MACROD2: variants seen among roughly 807,000 people sequenced by gnomAD.
MACROD2 encodes the protein mono-ADP ribosylhydrolase 2.
Under a neutral mutation model 70.4 loss-of-function variants are expected in MACROD2, and 36 were observed. The ratio of observed to expected loss-of-function variants is 0.51; its 90% CI spans 0.39 to 0.68. The LOEUF is 0.68. Ranked by LOEUF, MACROD2 falls within the 30% of genes least tolerant of loss-of-function variation. The pLI is 0.00. For synonymous variants in MACROD2, 172 were observed against 178.8 expected (o/e 0.96, Z 0.30); for missense variants, 496 against 538.4 (o/e 0.92, Z 0.78).
At chr20:14,853,163 GTGTGTGTGTC>G (rs1320496782) in intron 5 of MACROD2, among the ~76,000 whole-genome samples, 1 of 93,792 alleles carries the variant, frequency 1.1e-5, no homozygotes, top group African/African-American at 3.3e-5. Context: ...AACAGTGTGT[GTGTGTGTGTC>G]TGTGTGTGTG....
Position 14,274,757 on chromosome 20 carries a change from C to A in MACROD2, c.271+189029C>A, listed in dbSNP as rs1197757772. ...GTATATGTAGAAAACCCCATTGTCT[C>A]AGCCCAAAATCTCCTTAAGCTGATA... is the stretch of plus-strand genomic sequence containing the variant. On this transcript the variant is annotated intron_variant, in intron 3 of 17. Transcript: ENST00000684519. 5.3e-5 allele frequency among the ~76,000 whole-genome samples: 8 copies of A among 152,004 alleles called. 1 individual carries two copies. Among genetic ancestry groups the A allele is most frequent in the South Asian group, 2.1e-4 (1 of 4,810 alleles).
chr20:14,862,176 T>C (rs1467638158), intron 5 of MACROD2, among the ~76,000 whole-genome samples: 2 of 9,158 alleles, frequency 2.2e-4, no homozygotes, highest in African/African-American at 1.2e-3. Flanking sequence ...TATAAATATA[T>C]ATAAATATAT....
chr20:15,733,437 G>T (rs79183900), intron 8 of MACROD2, among the ~76,000 whole-genome samples: 1 of 151,974 alleles, frequency 6.6e-6, no homozygotes, highest in Non-Finnish European at 1.5e-5. Context: ...TAAAGTAGAA[G>T]CTTAGGTAGC....
At chr20:14,669,711 G>A (rs991360) in intron 4 of MACROD2, among the ~76,000 whole-genome samples, 29,312 of 151,898 alleles carry the variant, frequency 0.19, 3,306 homozygotes, top group Non-Finnish European at 0.25. Flanking sequence ...GAAGTTTTTG[G>A]TAGAAAAGGA....
At chr20:15,112,982 T>TGTGTGTGTG (rs1241048378) in intron 5 of MACROD2, among the ~76,000 whole-genome samples, 8 of 95,982 alleles carry the variant, frequency 8.3e-5, no homozygotes, top group Non-Finnish European at 1.9e-4. Flanking sequence ...GTGTGTGTGT[T>TGTGTGTGTG]TGTGTGTGTA....
At chr20:15,626,300 G>C (rs182373011) in intron 8 of MACROD2, among the ~76,000 whole-genome samples, 48 of 152,316 alleles carry the variant, frequency 3.2e-4, no homozygotes, top group Non-Finnish European at 5.7e-4. Flanking sequence ...GAAAGAAGCA[G>C]TAAAATGTCT....
At chr20:15,789,250 A>G (rs937159444) in intron 8 of MACROD2, among the ~76,000 whole-genome samples, 1 of 152,200 alleles carries the variant, frequency 6.6e-6, no homozygotes, top group Non-Finnish European at 1.5e-5. Flanking sequence ...TAGCTTCTAA[A>G]GAATAGCCTT....
chr20:15,040,052 T>C (rs1198370645), intron 5 of MACROD2, among the ~76,000 whole-genome samples: 1 of 152,148 alleles, frequency 6.6e-6, no homozygotes, highest in Non-Finnish European at 1.5e-5. Context: ...TGTTCATATA[T>C]GAGGGGAAAA....
chr20:14,981,574 A>C (rs553050731), intron 5 of MACROD2, among the ~76,000 whole-genome samples: 1 of 151,912 alleles, frequency 6.6e-6, no homozygotes, highest in Non-Finnish European at 1.5e-5. Flanking sequence ...AGGTAATTGA[A>C]TCATGGGGGC....
At chr20:14,264,276 G>A (rs779485220) in intron 3 of MACROD2, among the ~76,000 whole-genome samples, 5 of 152,140 alleles carry the variant, frequency 3.3e-5, no homozygotes, top group Non-Finnish European at 7.3e-5. Context: ...GTAAACAAGT[G>A]AGAAAGCTTA....
At chr20:15,935,394 T>A (rs979307691) in intron 11 of MACROD2, among the ~76,000 whole-genome samples, 3 of 152,192 alleles carry the variant, frequency 2.0e-5, no homozygotes, top group Non-Finnish European at 4.4e-5. Flanking sequence ...CACACATAGT[T>A]ACGTTCACAC....
intron 15 of MACROD2, among the ~76,000 whole-genome samples, chr20:16,036,389 A>G (rs2067236945): frequency 6.6e-6 from 1 of 151,878 alleles, no homozygotes. Context: ...CTCATTTATT[A>G]CTTTTTATGT....
chr20:14,441,314 C>T (rs1022060659), intron 3 of MACROD2, among the ~76,000 whole-genome samples: 2 of 152,280 alleles, frequency 1.3e-5, no homozygotes, highest in East Asian at 1.9e-4. Context: ...TGACAGCCAG[C>T]ACTTCCTGGC....
intron 3 of MACROD2, among the ~76,000 whole-genome samples, chr20:14,490,304 C>A (rs1439851928): frequency 6.6e-6 from 1 of 152,152 alleles, no homozygotes; most frequent in Non-Finnish European, 1.5e-5. Flanking sequence ...TTGACACTAT[C>A]AAATTAGCTT....
At chr20:14,042,120 G>C (rs1464266778) in intron 2 of MACROD2, among the ~76,000 whole-genome samples, 1 of 152,122 alleles carries the variant, frequency 6.6e-6, no homozygotes, top group Non-Finnish European at 1.5e-5. Flanking sequence ...GTATTGGGAA[G>C]ATACAGTATT....
intron 3 of MACROD2, among the ~76,000 whole-genome samples, chr20:14,339,846 T>C (rs2082995518): frequency 6.6e-6 from 1 of 152,234 alleles, no homozygotes; most frequent in African/African-American, 2.4e-5. Flanking sequence ...ACTGGGGTAC[T>C]GACTTTGGGG....
chr20:14,929,096 T>A (rs1273410037), intron 5 of MACROD2, among the ~76,000 whole-genome samples: 1 of 152,160 alleles, frequency 6.6e-6, no homozygotes, highest in Non-Finnish European at 1.5e-5. Context: ...TCTACTCTCA[T>A]AACGCTTCTG....
intron 12 of MACROD2, among the ~76,000 whole-genome samples, chr20:15,949,648 T>C (rs1009241502): frequency 7.2e-5 from 11 of 152,302 alleles, no homozygotes; most frequent in African/African-American, 2.6e-4. Flanking sequence ...AGACATTCCA[T>C]TGGTGCCTTC....
intron 2 of MACROD2, among the ~76,000 whole-genome samples, chr20:14,033,545 A>G (rs373117075): frequency 2.0e-5 from 3 of 152,312 alleles, no homozygotes; most frequent in African/African-American, 7.2e-5. Context: ...GAAAGGGCTA[A>G]TATCTTTACA....
Sources: allele counts gnomAD v4.1 joint callset (sites outside exome capture counted in the v4.1 genomes callset), GRCh38; gene constraint gnomAD v4.1.1; transcripts MANE v1.5; gene names NCBI Gene and HGNC (gene_info 2026-07-23, HGNC 2026-07-21).